STAG1: variants seen among roughly 807,000 people sequenced by gnomAD.
The protein encoded by STAG1 is cohesin subunit SA-1.
STAG1 carries 26 observed loss-of-function variants against 170.9 expected under a neutral mutation model. That is an observed-to-expected ratio of 0.15 (90% CI 0.11 to 0.21). The LOEUF is 0.21. STAG1 is among the 10% of genes least tolerant of loss of function. The pLI, the probability that STAG1 is intolerant of heterozygous loss-of-function variation, is 1.00. For synonymous variants in STAG1, 514 were observed against 497.7 expected (o/e 1.03, Z -0.44); for missense variants, 964 against 1,509.5 (o/e 0.64, Z 5.99).
At chr3:136,584,244 C>A (rs113116075) in intron 4 of STAG1, among the ~76,000 whole-genome samples, 177 of 152,312 alleles carry the variant, frequency 1.2e-3, no homozygotes, top group African/African-American at 2.5e-3. Context: ...CTGGACTGGA[C>A]ACAATAAACT....
chr3:136,472,540 G>T, intron 11 of STAG1, 48 bp from the exon 12 acceptor site: 1 of 1,319,590 alleles, frequency 7.6e-7, no homozygotes, highest in South Asian at 1.2e-5. Flanking sequence ...CAGAAAATAA[G>T]CTGGGACAGA....
chr3:136,704,104 G>T (rs1943156693), intron 1 of STAG1, among the ~76,000 whole-genome samples: 2 of 148,420 alleles, frequency 1.3e-5, no homozygotes. Flanking sequence ...AGGCTGGAGT[G>T]CAGTGGTGCG....
chr3:136,609,216 C>G (rs1008019682), intron 3 of STAG1: 2 of 152,482 alleles, frequency 1.3e-5, no homozygotes, highest in Non-Finnish European at 2.9e-5. Flanking sequence ...TGGCTCACAC[C>G]TGTAATGCCA....
intron 7 of STAG1, among the ~76,000 whole-genome samples, chr3:136,505,705 A>T (rs1416714392): frequency 2.6e-5 from 4 of 152,212 alleles, no homozygotes; most frequent in Non-Finnish European, 5.9e-5. Flanking sequence ...TTTACATTCT[A>T]GTGAGGAAAA....
chr3:136,433,426 G>C, intron 16 of STAG1, 130 bp downstream of exon 16: 1 of 689,428 alleles, frequency 1.5e-6, no homozygotes, highest in Non-Finnish European at 2.5e-6. Context: ...TAAAGATGAA[G>C]CACCATAGTC....
chr3:136,388,830 C>T (rs898379241), intron 22 of STAG1, among the ~76,000 whole-genome samples: 2 of 152,164 alleles, frequency 1.3e-5, no homozygotes, highest in Non-Finnish European at 2.9e-5. Context: ...ATAAGATACC[C>T]ATTTCTTTTT....
intron 7 of STAG1, 116 bp from the exon 8 acceptor site, chr3:136,502,895 C>G: frequency 3.9e-6 from 3 of 774,258 alleles, no homozygotes; most frequent in Non-Finnish European, 5.5e-6. Context: ...TGTTTTACAA[C>G]CCAGGCATAA....
At chr3:136,444,326 G>A (rs1462689980) in intron 14 of STAG1, among the ~76,000 whole-genome samples, 3 of 152,086 alleles carry the variant, frequency 2.0e-5, no homozygotes, top group East Asian at 1.9e-4. Context: ...TGCCTGCCTC[G>A]GCCTGCCAAA....
At chr3:136,422,381 T>A (rs1269453951) in intron 19 of STAG1, 29 bp downstream of exon 19, 1 of 1,576,786 alleles carries the variant, frequency 6.3e-7, no homozygotes, top group East Asian at 2.2e-5. Context: ...TCAATATTAT[T>A]ATATGTACAC....
chr3:136,570,019 G>A (rs1397359337), intron 4 of STAG1, among the ~76,000 whole-genome samples: 1 of 151,996 alleles, frequency 6.6e-6, no homozygotes, highest in Non-Finnish European at 1.5e-5. Flanking sequence ...GGGATCAGAG[G>A]AAATGTATAA....
intron 7 of STAG1, among the ~76,000 whole-genome samples, chr3:136,510,202 C>G (rs770837316): frequency 6.6e-6 from 1 of 152,222 alleles, no homozygotes; most frequent in Non-Finnish European, 1.5e-5. Context: ...CCATAATCCC[C>G]ACATGCCAAA....
At chr3:136,743,135 G>C (rs375251576) in intron 1 of STAG1, among the ~76,000 whole-genome samples, 7 of 152,290 alleles carry the variant, frequency 4.6e-5, no homozygotes, top group African/African-American at 1.7e-4. Flanking sequence ...GGGAGGCCGA[G>C]AAGGGTGAAC....
At chr3:136,623,991 G>C (rs1022983941) in intron 2 of STAG1, among the ~76,000 whole-genome samples, 6 of 151,992 alleles carry the variant, frequency 3.9e-5, no homozygotes, top group African/African-American at 1.4e-4. Context: ...AGGATACTTA[G>C]CATATAATTT....
chr3:136,703,199 C>T (rs905874172), intron 1 of STAG1, among the ~76,000 whole-genome samples: 1 of 152,058 alleles, frequency 6.6e-6, no homozygotes, highest in Non-Finnish European at 1.5e-5. Context: ...ATCAACTATT[C>T]CAGAACTCTA....
intron 6 of STAG1, among the ~76,000 whole-genome samples, chr3:136,538,380 C>T (rs1935741584): frequency 6.7e-6 from 1 of 150,200 alleles, no homozygotes; most frequent in African/African-American, 2.4e-5. Context: ...TAGTTCAGAA[C>T]TAAGAAGGTC....
chr3:136,722,223 A>G (rs1227122790), intron 1 of STAG1, among the ~76,000 whole-genome samples: 2 of 152,138 alleles, frequency 1.3e-5, no homozygotes, highest in Non-Finnish European at 2.9e-5. Context: ...TCCAAAAAAA[A>G]GGAAAAAAAA....
At chr3:136,472,097 A>G (rs1483032246) in intron 12 of STAG1, among the ~76,000 whole-genome samples, 1 of 152,166 alleles carries the variant, frequency 6.6e-6, no homozygotes, top group Non-Finnish European at 1.5e-5. Context: ...TTGGCCTTCC[A>G]AAATGCTGGG....
Position 136,472,629 on chromosome 3 carries a change from T to C in STAG1, c.1126-137A>G. The C allele has an allele frequency of 7.1e-6, 4 of 566,572 alleles. No homozygotes were observed. The South Asian group carries it at 1.2e-4, about 17-fold the overall frequency. 35.1% of individuals were successfully genotyped at this position (566,572 alleles called of 1,614,324 possible). The stretch of plus-strand genomic sequence containing the variant: ...AAAAGCTTTACTCTTGAAACTGCAG[T>C]ATTGTAGTCCTACTCACACAAAGGG... On this transcript the variant is annotated intron_variant, in intron 11 of 33. Coordinates refer to ENST00000383202, the MANE Select transcript of STAG1 (RefSeq NM_005862.3).
In STAG1 at chr3:136,473,626, G is replaced by T; in HGVS notation, c.1038C>A (p.Val346=). 6.2e-7 allele frequency: 1 copy of T among 1,610,830 alleles called. No individual in the cohort carries two copies. The highest frequency in any genetic ancestry group is 1.1e-5 in the South Asian group (1 of 90,684). ...GWTLHDRQGE[V]RLKCLKALQS... ...GCAGAGCTTTCAAACACTTCAGCCT[G>T]ACTTCCCCTTGCTTCAGAAATACAA... The change falls in exon 11 of 34, where the codon GTC becomes GTA. Residue 346 remains valine, a synonymous_variant. Transcript: ENST00000383202.
Sources: gnomAD v4.1 joint callset for allele counts (sites outside exome capture counted in the v4.1 genomes callset) on GRCh38, gnomAD v4.1.1 for gene constraint, MANE v1.5 for transcripts, NCBI Gene and HGNC (gene_info 2026-07-23, HGNC 2026-07-21) for gene names.